Variants in RAP1B observed in about 807,000 individuals in gnomAD.
The protein encoded by RAP1B is ras-related protein Rap-1b.
In RAP1B, 1 loss-of-function variant was observed where a neutral mutation model predicts 27.5. That is an observed-to-expected ratio of 0.04 (90% CI 0.01 to 0.17). The LOEUF (loss-of-function observed/expected upper bound fraction) is 0.17, where lower values mean the gene tolerates loss of function less well. RAP1B is among the 10% of genes least tolerant of loss of function. The pLI is 1.00. For missense variants in RAP1B, 84 were observed against 214.8 expected, an observed-to-expected ratio of 0.39 and a Z score of 3.81; for synonymous variants, 75 against 73.1, an observed-to-expected ratio of 1.03 and a Z score of -0.13.
chr12:68,637,241 A>C (rs1872687384), intron 1 of RAP1B, among the ~76,000 whole-genome samples: 1 of 152,154 alleles, frequency 6.6e-6, no homozygotes, highest in African/African-American at 2.4e-5. Flanking sequence ...AACAGTGTAC[A>C]TTCTTAATCT....
At chr12:68,639,122 T>A (rs17105637) in intron 1 of RAP1B, among the ~76,000 whole-genome samples, 2,007 of 152,328 alleles carry the variant, frequency 0.013, 55 homozygotes, top group African/African-American at 0.046. Context: ...CTCAAATTGA[T>A]TTTGTTGGTT....
chr12:68,644,015 A>G (rs1873216810), intron 1 of RAP1B, among the ~76,000 whole-genome samples: 1 of 152,090 alleles, frequency 6.6e-6, no homozygotes, highest in Non-Finnish European at 1.5e-5. Flanking sequence ...GTAATGTAAT[A>G]ATGAGATTCC....
At chr12:68,615,678 T>A (rs546192047) in intron 1 of RAP1B, among the ~76,000 whole-genome samples, 3 of 152,194 alleles carry the variant, frequency 2.0e-5, no homozygotes, top group African/African-American at 7.2e-5. Context: ...CCATAGAGAG[T>A]AATTATTTAA....
chr12:68,619,809 G>GT (rs555748335), intron 1 of RAP1B, among the ~76,000 whole-genome samples: 132 of 152,266 alleles, frequency 8.7e-4, no homozygotes, highest in South Asian at 1.7e-3. Context: ...TATATAATCA[G>GT]TTTAACTTCT....
chr12:68,635,002 A>G (rs1457755389), intron 1 of RAP1B, among the ~76,000 whole-genome samples: 18 of 152,222 alleles, frequency 1.2e-4, no homozygotes, highest in Admixed American at 5.9e-4. Context: ...CAAATTTTGC[A>G]CTTTCTAGAT....
chr12:68,642,427 A>G, intron 1 of RAP1B: 1 of 588,880 alleles, frequency 1.7e-6, no homozygotes, highest in East Asian at 3.1e-5. Context: ...GCCTAAAATT[A>G]TGGTGCTATT....
At chr12:68,643,243 AT>A (rs1443597009) in intron 1 of RAP1B, among the ~76,000 whole-genome samples, 1 of 151,970 alleles carries the variant, frequency 6.6e-6, no homozygotes, top group African/African-American at 2.4e-5. Flanking sequence ...CTTAATCCTT[AT>A]TTTCTACTGA....
intron 1 of RAP1B, among the ~76,000 whole-genome samples, chr12:68,638,892 T>C (rs1029378524): frequency 6.6e-6 from 1 of 152,102 alleles, no homozygotes; most frequent in African/African-American, 2.4e-5. Flanking sequence ...AATTCCTCAC[T>C]TCAAGTGATC....
At chr12:68,630,674 T>G (rs907591680) in intron 1 of RAP1B, among the ~76,000 whole-genome samples, 3 of 151,874 alleles carry the variant, frequency 2.0e-5, no homozygotes, top group Non-Finnish European at 4.4e-5. Context: ...GTCTTTTTTG[T>G]TTTTGTTTTT....
At chr12:68,652,998 G>A (rs1873924344) in intron 4 of RAP1B, among the ~76,000 whole-genome samples, 1 of 152,054 alleles carries the variant, frequency 6.6e-6, no homozygotes, top group Non-Finnish European at 1.5e-5. Flanking sequence ...ATCACCTGAG[G>A]TCAGGAGTTC....
At chr12:68,652,194 C>G in intron 4 of RAP1B, 143 bp downstream of exon 4, 1 of 586,052 alleles carries the variant, frequency 1.7e-6, no homozygotes, top group Non-Finnish European at 2.9e-6. Context: ...ACCTCTATTC[C>G]CAGCACTTCG....
At chr12:68,617,940 T>G (rs1351920628) in intron 1 of RAP1B, among the ~76,000 whole-genome samples, 1 of 152,018 alleles carries the variant, frequency 6.6e-6, no homozygotes, top group Non-Finnish European at 1.5e-5. Flanking sequence ...ATTTTTGTAT[T>G]TTTTGTAGAG....
rs1565677504 is a variant in RAP1B at position 68,662,034 on chromosome 12, T to TATATATATATATATATA, written c.*2792_*2793insTATATATATAATATATA. 1.1e-4 allele frequency: 14 copies of TATATATATATATATATA among 127,794 alleles called. No homozygotes were observed. Among genetic ancestry groups the TATATATATATATATATA allele is most frequent in the African/African-American group, 3.0e-4 (11 of 36,174 alleles). The allele number at this position is 127,794 out of a possible 1,614,324, so 7.9% of individuals were successfully genotyped here. A position where few individuals can be genotyped will look rare whatever the true frequency, so the allele number is the denominator to read the frequency against. ...TATATATATATATATATATATATAT[T>TATATATATATATATATA]ATATATAGTACATATATAGAGAGAG... On this transcript the variant is annotated 3_prime_UTR_variant, in exon 8 of 8. Coordinates refer to ENST00000250559, the MANE Select transcript of RAP1B (RefSeq NM_001010942.3).
At chr12:68,637,662 C>T (rs1163630151) in intron 1 of RAP1B, among the ~76,000 whole-genome samples, 3 of 149,778 alleles carry the variant, frequency 2.0e-5, no homozygotes, top group Non-Finnish European at 4.4e-5. Context: ...TGACCACCCC[C>T]CTGGTAAATT....
chr12:68,649,536 G>A (rs1466230798), intron 2 of RAP1B: 2 of 152,144 alleles, frequency 1.3e-5, no homozygotes, highest in East Asian at 1.9e-4. Flanking sequence ...GAGGAAAAAC[G>A]TAGGGAAAAT....
At chr12:68,656,539 C>A in intron 6 of RAP1B, 90 bp downstream of exon 6, 3 of 1,317,516 alleles carry the variant, frequency 2.3e-6, no homozygotes, top group Non-Finnish European at 3.3e-6. Context: ...TTAATATGTA[C>A]TCAGGGTAAT....
chr12:68,616,166 G>A (rs940750110), intron 1 of RAP1B, among the ~76,000 whole-genome samples: 3 of 152,118 alleles, frequency 2.0e-5, no homozygotes, highest in Non-Finnish European at 4.4e-5. Flanking sequence ...GTTTCACTGT[G>A]TTAGCCAGGA....
chr12:68,671,001 C>G lies in RAP1B; in HGVS notation c.*11752C>G, dbSNP rs1224645816. 5 of 147,400 alleles carry G rather than the reference C, an allele frequency of 3.4e-5. No homozygotes were observed. Among genetic ancestry groups the G allele is most frequent in the African/African-American group, 1.3e-4 (5 of 39,546 alleles). 9.1% of individuals were successfully genotyped at this position (147,400 alleles called of 1,614,324 possible). ...CAAGATGGTGCCATTGCACTCCAGC[C>G]TGGGCAACAAGAGTGATACTCCGTT... On this transcript the variant is annotated 3_prime_UTR_variant, in exon 8 of 8. Coordinates refer to ENST00000250559, the MANE Select transcript of RAP1B (RefSeq NM_001010942.3).
chr12:68,654,757 G>T (rs1874080807), intron 5 of RAP1B, among the ~76,000 whole-genome samples: 1 of 149,288 alleles, frequency 6.7e-6, no homozygotes, highest in Admixed American at 6.6e-5. Flanking sequence ...GATTTTAAAG[G>T]CAAGAAATAC....
Sources: gnomAD v4.1 joint callset for allele counts (sites outside exome capture counted in the v4.1 genomes callset) on GRCh38, gnomAD v4.1.1 for gene constraint, MANE v1.5 for transcripts, NCBI Gene and HGNC (gene_info 2026-07-23, HGNC 2026-07-21) for gene names.